Variants in RASGEF1C observed in about 807,000 individuals in gnomAD.
RASGEF1C encodes the protein RasGEF domain family member 1C.
Under a neutral mutation model 58.1 loss-of-function variants are expected in RASGEF1C, and 27 were observed. The observed-to-expected ratio is 0.46, with a 90% CI of 0.34 to 0.64. The LOEUF is 0.64. RASGEF1C is among the 30% of genes least tolerant of loss of function. The pLI is 0.01. For missense variants in RASGEF1C, 502 were observed against 605.1 expected (o/e 0.83, Z 1.79); for synonymous variants, 243 against 246.3 (o/e 0.99, Z 0.13).
chr5:180,127,391 C>T (rs867637760), intron 6 of RASGEF1C, among the ~76,000 whole-genome samples: 6 of 152,374 alleles, frequency 3.9e-5, no homozygotes, highest in African/African-American at 1.4e-4. Context: ...GTGACCCCCA[C>T]GTCCCGCACG....
At chr5:180,189,867 G>A (rs1312206349) in intron 1 of RASGEF1C, among the ~76,000 whole-genome samples, 3 of 129,786 alleles carry the variant, frequency 2.3e-5, no homozygotes, top group African/African-American at 8.5e-5. Context: ...AGGTTGCAGT[G>A]AGCTGAGATC....
In RASGEF1C at chr5:180,137,656, C is replaced by T. The variant is rs146720363; in HGVS notation, c.234G>A (p.Glu78=). 1.4e-4 allele frequency: 219 copies of T among 1,612,842 alleles called. 1 individual carries two copies. The African/African-American group carries it at 2.7e-3, about 20-fold the overall frequency. Residue 78 remains glutamate, a synonymous_variant, in exon 3 of 14, where the codon GAG becomes GAA. Transcript: ENST00000361132. This position sits in a 1 kb window ranked among gnomAD's most constrained non-coding sequence, Gnocchi z 4.1. ...ACAGGTGGCAGACCCGGGCCAGGAG[C>T]TCCCGGGGCTCGATGAAGAGGCGAG... ...LSSRLFIEPR[E]LLARVCHLCI... is the part of the protein sequence containing the mutation.
At chr5:180,176,002 G>T (rs1360225642) in intron 1 of RASGEF1C, among the ~76,000 whole-genome samples, 1 of 152,114 alleles carries the variant, frequency 6.6e-6, no homozygotes, top group African/African-American at 2.4e-5. Context: ...AAAAAAGAAA[G>T]GTATTCAAAG....
rs577753358 is a variant in RASGEF1C, at chr5:180,194,511, C to T, written c.-7+14517G>A. ...GTCTACGCTCAAGTCCCGGGAGCAG[C>T]TGTCACACTCTCGCCTCACCCTTTT... On this transcript the variant is annotated intron_variant, in intron 1 of 13. Transcript: ENST00000361132. Among the ~76,000 whole-genome samples the T allele has an allele frequency of 2.0e-5, 3 of 152,340 alleles. 1 individual carries two copies. The South Asian group carries it at 6.2e-4, about 32-fold the overall frequency.
At chr5:180,164,885 C>T (rs72821980) in intron 1 of RASGEF1C, among the ~76,000 whole-genome samples, 22,801 of 152,108 alleles carry the variant, frequency 0.15, 2,240 homozygotes, top group Non-Finnish European at 0.21. Context: ...TCTATATTTG[C>T]GGATTTGTCT....
At chr5:180,117,660 G>A (rs559459650) in intron 10 of RASGEF1C, among the ~76,000 whole-genome samples, 2 of 152,138 alleles carry the variant, frequency 1.3e-5, no homozygotes, top group Non-Finnish European at 2.9e-5. Context: ...AAATAAAATT[G>A]ATCAGGTCCG....
At chr5:180,167,117 A>C (rs1370164544) in intron 1 of RASGEF1C, among the ~76,000 whole-genome samples, 1 of 152,106 alleles carries the variant, frequency 6.6e-6, no homozygotes, top group Non-Finnish European at 1.5e-5. Flanking sequence ...TCTTTGACTA[A>C]ATTGGACAGT....
chr5:180,107,478 A>G (rs1156661727), intron 12 of RASGEF1C, among the ~76,000 whole-genome samples: 1 of 152,218 alleles, frequency 6.6e-6, no homozygotes, highest in Non-Finnish European at 1.5e-5. Context: ...GGCAATTGAA[A>G]AATGTGCCAC....
At chr5:180,111,640 G>T (rs1205855326) in intron 11 of RASGEF1C, 60 bp from the exon 12 acceptor site, 2 of 1,601,586 alleles carry the variant, frequency 1.2e-6, no homozygotes, top group African/African-American at 2.7e-5. Flanking sequence ...TCCCCATGAG[G>T]GGGAGGGGCT....
At chr5:180,188,365 C>T (rs1167677017) in intron 1 of RASGEF1C, among the ~76,000 whole-genome samples, 11 of 152,092 alleles carry the variant, frequency 7.2e-5, no homozygotes, top group Admixed American at 2.6e-4. Context: ...ATAAAATGTT[C>T]TTTGGGGGTG....
chr5:180,117,759 C>A (rs1363585028), intron 10 of RASGEF1C, among the ~76,000 whole-genome samples: 1 of 151,990 alleles, frequency 6.6e-6, no homozygotes, highest in African/African-American at 2.4e-5. Context: ...TTTGGGAGGT[C>A]GAGGCAGGGA....
chr5:180,204,638 CTATCT>C (rs1237924830), intron 1 of RASGEF1C, among the ~76,000 whole-genome samples: 2 of 151,986 alleles, frequency 1.3e-5, no homozygotes, highest in Non-Finnish European at 1.5e-5. Flanking sequence ...ATCTATCTAT[CTATCT>C]ATCTATCTAT....
At chr5:180,172,781 C>A (rs1767132864) in intron 1 of RASGEF1C, among the ~76,000 whole-genome samples, 1 of 152,152 alleles carries the variant, frequency 6.6e-6, no homozygotes, top group African/African-American at 2.4e-5. Flanking sequence ...TCTCTGTGCC[C>A]CCTGCCTCCT....
intron 1 of RASGEF1C, among the ~76,000 whole-genome samples, chr5:180,152,633 C>T (rs1021991196): frequency 6.7e-6 from 1 of 150,018 alleles, no homozygotes; most frequent in Non-Finnish European, 1.5e-5. Context: ...TTAATGGGTG[C>T]AGCACACCAA....
chr5:180,196,187 C>CTTTTTTTATAAATAAGTTTTATAAATAAA lies in RASGEF1C; in HGVS notation c.-7+12840_-7+12841insTTTATTTATAAAACTTATTTATAAAAAAA, dbSNP rs572270305. On this transcript the variant is annotated intron_variant, in intron 1 of 13. Transcript: ENST00000361132. ...TTGGGAAGCCTATTAATGATAAATT[C>CTTTTTTTATAAATAAGTTTTATAAATAAA]AACTTATTTAACAGAAATAGTATTG... 6.7e-3 allele frequency among the ~76,000 whole-genome samples: 1,024 copies of CTTTTTTTATAAATAAGTTTTATAAATAAA among 152,160 alleles called. 6 individuals are homozygous for CTTTTTTTATAAATAAGTTTTATAAATAAA. The highest frequency in any genetic ancestry group is 0.058 in the Middle Eastern group (17 of 292).
chr5:180,153,688 G>T (rs1209295094), intron 1 of RASGEF1C, among the ~76,000 whole-genome samples: 1 of 152,164 alleles, frequency 6.6e-6, no homozygotes, highest in Admixed American at 6.5e-5. Flanking sequence ...CGTTCTAATA[G>T]CCTTGGAGTT....
rs1335092355 is a variant in RASGEF1C, at chr5:180,163,248, TTTTTCC to T, written c.-6-25196_-6-25191del. Among the ~76,000 whole-genome samples the T allele has an allele frequency of 3.6e-4, 30 of 82,308 alleles. 4 individuals are homozygous for T. Among genetic ancestry groups the T allele is most frequent in the African/African-American group, 9.4e-4 (20 of 21,322 alleles). 54.0% of individuals were successfully genotyped at this position (82,308 alleles called of 152,430 possible). A position where few individuals can be genotyped will look rare whatever the true frequency, so the allele number is the denominator to read the frequency against. ...CCCCCTCACTTTTTTTTTTTTTTTT[TTTTTCC>T]AGCCTATTGCACTGGCTAGGACTTC... On this transcript the variant is annotated intron_variant, in intron 1 of 13. Transcript: ENST00000361132.
chr5:180,121,366 T>G (rs897385159), intron 6 of RASGEF1C, among the ~76,000 whole-genome samples: 1 of 151,434 alleles, frequency 6.6e-6, no homozygotes, highest in Non-Finnish European at 1.5e-5. Context: ...CAGGCTGGAG[T>G]GCGGTGGCGC....
Position 180,177,645 on chromosome 5 carries a change from G to A in RASGEF1C, c.-7+31383C>T, listed in dbSNP as rs1480528488. ...GGCCCTGGTGCCACTTGGGGAAGGAGTTGCGTTGGTCTGTGACAGTTGGGA... is the reference window on the plus strand; with the variant it reads ...GGCCCTGGTGCCACTTGGGGAAGGAATTGCGTTGGTCTGTGACAGTTGGGA... On this transcript the variant is annotated intron_variant, in intron 1 of 13. Transcript: ENST00000361132. This position sits in a 1 kb window ranked among gnomAD's most constrained non-coding sequence, Gnocchi z 5.0. 6.6e-6 allele frequency among the ~76,000 whole-genome samples: 1 copy of A among 152,222 alleles called. No individual in the cohort carries two copies. The highest frequency in any genetic ancestry group is 6.5e-5 in the Admixed American group (1 of 15,282).
Sources: allele counts gnomAD v4.1 joint callset (sites outside exome capture counted in the v4.1 genomes callset), GRCh38; gene constraint gnomAD v4.1.1; non-coding constraint Gnocchi (gnomAD v3.1); transcripts MANE v1.5; gene names NCBI Gene and HGNC (gene_info 2026-07-23, HGNC 2026-07-21).